Variants in ENTREP2 observed in about 807,000 individuals in gnomAD.
ENTREP2 encodes endosomal transmembrane epsin interactor 2, also known as protein ENTREP2.
At chr15:29,401,209 T>G in the ENTREP2 span, among the ~76,000 whole-genome samples, 1 of 143,266 alleles carries the variant, frequency 7.0e-6, no homozygotes, top group African/African-American at 2.5e-5. Context: ...ATGAACACAT[T>G]TATGGTTAAA....
chr15:29,426,494 G>T, the ENTREP2 span, among the ~76,000 whole-genome samples: 11 of 151,820 alleles, frequency 7.2e-5, no homozygotes, highest in African/African-American at 2.7e-4. Flanking sequence ...CCTGTCTGAC[G>T]TCTTACATGT....
At chr15:29,196,032 G>A in the ENTREP2 span, among the ~76,000 whole-genome samples, 1 of 151,996 alleles carries the variant, frequency 6.6e-6, no homozygotes, top group African/African-American at 2.4e-5. Flanking sequence ...GACTCCCAGG[G>A]GAGACTGTCT....
At chr15:29,267,698 T>A in the ENTREP2 span, 2 of 152,072 alleles carry the variant, frequency 1.3e-5, no homozygotes, top group Non-Finnish European at 2.9e-5. Context: ...ATTGCTCTCC[T>A]AGGAATGATT....
At chr15:29,656,415 C>CG in the ENTREP2 span, among the ~76,000 whole-genome samples, 1 of 152,060 alleles carries the variant, frequency 6.6e-6, no homozygotes, top group African/African-American at 2.4e-5. Context: ...TTAATAGACA[C>CG]GAAGTTTCAC....
the ENTREP2 span, among the ~76,000 whole-genome samples, chr15:29,164,319 G>A: frequency 6.6e-6 from 1 of 152,124 alleles, no homozygotes; most frequent in Non-Finnish European, 1.5e-5. Context: ...CACAATGAAT[G>A]CAATGGTACC....
chr15:29,657,832 TA>T, the ENTREP2 span, among the ~76,000 whole-genome samples: 1 of 152,138 alleles, frequency 6.6e-6, no homozygotes, highest in South Asian at 2.1e-4. Flanking sequence ...TTGTGACATA[TA>T]TGTATGAAAT....
the ENTREP2 span, among the ~76,000 whole-genome samples, chr15:29,668,794 C>G: frequency 6.6e-6 from 1 of 152,184 alleles, no homozygotes; most frequent in Non-Finnish European, 1.5e-5. Flanking sequence ...AAACAATCAC[C>G]TCCAGTCACT....
the ENTREP2 span, among the ~76,000 whole-genome samples, chr15:29,165,086 C>T: frequency 2.6e-5 from 4 of 152,108 alleles, no homozygotes; most frequent in African/African-American, 7.2e-5. Context: ...GGGTCAAAAA[C>T]GAAATCAAGG....
chr15:29,369,784 G>A, the ENTREP2 span, among the ~76,000 whole-genome samples: 4 of 152,258 alleles, frequency 2.6e-5, no homozygotes, highest in African/African-American at 9.6e-5. Context: ...TTTGGAGGTG[G>A]TGTCTTTAAG....
the ENTREP2 span, chr15:29,123,009 G>C: frequency 8.5e-6 from 2 of 234,610 alleles, no homozygotes; most frequent in Non-Finnish European, 1.7e-5. Context: ...AGTGTCGCCT[G>C]TTGCTGTATT....
chr15:29,487,930 T>C, the ENTREP2 span, among the ~76,000 whole-genome samples: 1 of 152,218 alleles, frequency 6.6e-6, no homozygotes. Context: ...TGACCTCAAG[T>C]GATCTGCCCA....
chr15:29,195,262 C>G, the ENTREP2 span: 3 of 985,344 alleles, frequency 3.0e-6, no homozygotes, highest in African/African-American at 3.5e-5. Flanking sequence ...CAGGCGTAGT[C>G]CTACCATGGA....
At chr15:29,148,864 C>G in the ENTREP2 span, among the ~76,000 whole-genome samples, 2 of 151,698 alleles carry the variant, frequency 1.3e-5, no homozygotes, top group Admixed American at 1.3e-4. Flanking sequence ...TGGACTCCCT[C>G]CAGATTTTTT....
the ENTREP2 span, among the ~76,000 whole-genome samples, chr15:29,248,604 T>C: frequency 2.6e-5 from 4 of 152,132 alleles, no homozygotes; most frequent in Non-Finnish European, 5.9e-5. Flanking sequence ...TACACATATA[T>C]GTATAAATAC....
the ENTREP2 span, among the ~76,000 whole-genome samples, chr15:29,551,002 T>C: frequency 1.3e-5 from 2 of 152,146 alleles, no homozygotes; most frequent in Non-Finnish European, 2.9e-5. Flanking sequence ...TTATCCACCC[T>C]GCCATGTTTC....
the ENTREP2 span, among the ~76,000 whole-genome samples, chr15:29,170,615 T>C: frequency 3.9e-5 from 6 of 151,998 alleles, no homozygotes; most frequent in South Asian, 2.1e-4. Flanking sequence ...TGTGTGTGCA[T>C]AGTCTGTGAC....
At chr15:29,513,884 G>A in the ENTREP2 span, among the ~76,000 whole-genome samples, 12 of 152,138 alleles carry the variant, frequency 7.9e-5, no homozygotes, top group Admixed American at 1.3e-4. Context: ...AATACCTGGC[G>A]CTGTTCTTGA....
the ENTREP2 span, among the ~76,000 whole-genome samples, chr15:29,133,684 C>T: frequency 3.3e-5 from 5 of 152,198 alleles, no homozygotes; most frequent in East Asian, 1.9e-4. Context: ...TGTAGCCTGT[C>T]GTGTGTGGGG....
chr15:29,428,633 G>C, the ENTREP2 span, among the ~76,000 whole-genome samples: 1 of 151,880 alleles, frequency 6.6e-6, no homozygotes, highest in Non-Finnish European at 1.5e-5. Context: ...TAAAAGGCCA[G>C]TCCTCTTAGT....
Sources: allele counts gnomAD v4.1 joint callset (sites outside exome capture counted in the v4.1 genomes callset), GRCh38; gene constraint gnomAD v4.1.1; transcripts MANE v1.5; gene names NCBI Gene and HGNC (gene_info 2026-07-23, HGNC 2026-07-21).